The following ADAM12 variants were observed in gnomAD, a reference collection of about 807,000 sequenced individuals.
ADAM12 encodes disintegrin and metalloproteinase domain-containing protein 12.
ADAM12 carries 70 observed loss-of-function variants against 106.4 expected under a neutral mutation model. That is an observed-to-expected ratio of 0.66 (90% confidence interval 0.54 to 0.80). The LOEUF (loss-of-function observed/expected upper bound fraction) is 0.80, where lower values mean the gene tolerates loss of function less well. Among genes scored for constraint, ADAM12 ranks in the 30% least tolerant of loss-of-function variants. The pLI is 0.00. For missense variants in ADAM12, 1,010 were observed against 1,171.9 expected (o/e 0.86, Z 2.02); for synonymous variants, 420 against 433.5 (o/e 0.97, Z 0.39).
At chr10:126,386,054 A>G (rs1174667809) in intron 1 of ADAM12, among the ~76,000 whole-genome samples, 1 of 152,026 alleles carries the variant, frequency 6.6e-6, no homozygotes, top group African/African-American at 2.4e-5. Context: ...GGTAGGTGGG[A>G]ATATACTTAG....
At chr10:126,034,506 G>C (rs888566111) in intron 21 of ADAM12, among the ~76,000 whole-genome samples, 4 of 152,066 alleles carry the variant, frequency 2.6e-5, no homozygotes, top group Admixed American at 6.5e-5. Flanking sequence ...AAAGCACAAT[G>C]AAACAAAAAC....
chr10:126,080,287 G>A (rs895455730), intron 11 of ADAM12, among the ~76,000 whole-genome samples: 4 of 152,096 alleles, frequency 2.6e-5, no homozygotes, highest in African/African-American at 7.2e-5. Flanking sequence ...CCTCGTCTGT[G>A]GTTAAAAAGA....
intron 4 of ADAM12, among the ~76,000 whole-genome samples, chr10:126,143,230 CTG>C (rs1429965256): frequency 1.5e-5 from 2 of 132,014 alleles, no homozygotes; most frequent in East Asian, 4.7e-4. Context: ...ATGTGTGTGT[CTG>C]TGTGGATGTG....
intron 5 of ADAM12, 112 bp downstream of exon 5, chr10:126,135,472 A>C: frequency 9.9e-7 from 1 of 1,012,942 alleles, no homozygotes; most frequent in Non-Finnish European, 1.5e-6. Flanking sequence ...GGTGTAGCTG[A>C]GCTGGGAGCC....
intron 5 of ADAM12, among the ~76,000 whole-genome samples, chr10:126,131,798 C>G (rs1020875819): frequency 3.3e-5 from 5 of 152,178 alleles, no homozygotes; most frequent in Non-Finnish European, 7.3e-5. Flanking sequence ...TTTGCTATGG[C>G]AGCCCATGCT....
Position 126,039,439 on chromosome 10 carries a change from AAC to A in ADAM12, c.2105-12_2105-11del. 6.2e-7 allele frequency: 1 copy of A among 1,613,904 alleles called. No individual in the cohort carries two copies. The highest frequency in any genetic ancestry group is 8.5e-7 in the Non-Finnish European group (1 of 1,179,862). On this transcript the variant is annotated splice_polypyrimidine_tract_variant and intron_variant, in intron 18 of 22. Coordinates refer to ENST00000448723, the MANE Select transcript of ADAM12 (RefSeq NM_001288973.2). ...GTTAAACCTTGGTTATCTGAAACAA[AAC>A]ACATGGGGCTCACAGAAGGAGGCAG...
At chr10:126,063,116 G>A (rs1444802615) in intron 14 of ADAM12, among the ~76,000 whole-genome samples, 2 of 152,222 alleles carry the variant, frequency 1.3e-5, no homozygotes, top group Non-Finnish European at 2.9e-5. Context: ...CAGGACTGAG[G>A]GCTGCTCAGG....
Position 126,036,299 on chromosome 10 carries a change from A to T in ADAM12, c.2376T>A (p.Cys792Ter). 6.4e-7 allele frequency: 1 copy of T among 1,564,698 alleles called. No individual in the cohort carries two copies. The highest frequency in any genetic ancestry group is 8.6e-7 in the Non-Finnish European group (1 of 1,161,716). ...PKDNPRRLLQ[C>*]QNVDISRPLN... ...GGGGTCTGCTGATGTCAACATTCTGACACTGCAGCAATCTCCTGGGATTGT... is the reference window on the plus strand; with the variant it reads ...GGGGTCTGCTGATGTCAACATTCTGTCACTGCAGCAATCTCCTGGGATTGT... The change falls in exon 21 of 23, where the codon TGT becomes TGA. Residue 792 changes from cysteine to a stop codon, truncating the protein, a stop_gained. Coordinates refer to ENST00000448723, the MANE Select transcript of ADAM12 (RefSeq NM_001288973.2). LOFTEE classifies it high-confidence loss of function.
intron 3 of ADAM12, among the ~76,000 whole-genome samples, chr10:126,256,509 C>T (rs1019567608): frequency 1.3e-5 from 2 of 151,900 alleles, no homozygotes; most frequent in Non-Finnish European, 2.9e-5. Context: ...TACCTTGAGC[C>T]GTCGCTGTGT....
intron 1 of ADAM12, among the ~76,000 whole-genome samples, chr10:126,385,161 C>T (rs1216019004): frequency 6.6e-6 from 1 of 152,172 alleles, no homozygotes; most frequent in Non-Finnish European, 1.5e-5. Context: ...GAAAGGGATA[C>T]AGAGCTTCTG....
intron 1 of ADAM12, among the ~76,000 whole-genome samples, chr10:126,343,991 A>G (rs536729907): frequency 6.6e-5 from 10 of 152,180 alleles, no homozygotes; most frequent in South Asian, 2.1e-4. Flanking sequence ...CTCTGATGGT[A>G]GTTTCTTTTG....
chr10:126,273,776 CCA>C (rs574892984), intron 3 of ADAM12, among the ~76,000 whole-genome samples: 181 of 152,236 alleles, frequency 1.2e-3, no homozygotes, highest in Middle Eastern at 6.8e-3. Flanking sequence ...ATTGCTGGAT[CCA>C]CAGAGAAATG....
intron 2 of ADAM12, among the ~76,000 whole-genome samples, chr10:126,319,308 G>T (rs927445520): frequency 5.9e-5 from 9 of 152,128 alleles, no homozygotes; most frequent in African/African-American, 1.9e-4. Context: ...GGGGGAAAAA[G>T]GAGCTTTGTA....
rs73386749 is a variant in ADAM12, at chr10:126,322,267, C to G, written c.186+8145G>C. 7.6e-3 allele frequency among the ~76,000 whole-genome samples: 1,157 copies of G among 152,282 alleles called. 17 individuals are homozygous for G. The highest frequency in any genetic ancestry group is 0.026 in the African/African-American group (1,093 of 41,548). ...GCAGGTATCATTGTGACCTGTGCTG[C>G]TGAACATATTTACTGTTCAGCTCTT... On this transcript the variant is annotated intron_variant, in intron 2 of 22. Transcript: ENST00000448723.
Position 126,043,229 on chromosome 10 carries a change from T to C in ADAM12, c.1996-81A>G. The C allele has an allele frequency of 2.3e-6, 3 of 1,307,942 alleles. No homozygotes were observed. The highest frequency in any genetic ancestry group is 3.2e-6 in the Non-Finnish European group (3 of 931,242). The allele number at this position is 1,307,942 out of a possible 1,614,324, so 81.0% of individuals were successfully genotyped here. ...ACAGCAGAAGCAAGGGGGGCCATGG[T>C]CAGAGCCCCCCCCCAACACTGACAC... On this transcript the variant is annotated intron_variant, in intron 17 of 22. Transcript: ENST00000448723. This position sits in a 1 kb window ranked among gnomAD's most constrained non-coding sequence, Gnocchi z 4.1.
At chr10:126,150,330 G>A (rs1183544408) in intron 4 of ADAM12, among the ~76,000 whole-genome samples, 2 of 152,164 alleles carry the variant, frequency 1.3e-5, no homozygotes, top group Non-Finnish European at 2.9e-5. Context: ...TATTTATGAC[G>A]TTGATCCACA....
At chr10:126,125,352 C>T (rs928007099) in intron 5 of ADAM12, among the ~76,000 whole-genome samples, 2 of 147,932 alleles carry the variant, frequency 1.4e-5, no homozygotes, top group Non-Finnish European at 3.0e-5. Context: ...TCAAGGGATT[C>T]TCCTGCCTCA....
At chr10:126,154,511 G>C (rs116445034) in intron 4 of ADAM12, among the ~76,000 whole-genome samples, 23 of 152,284 alleles carry the variant, frequency 1.5e-4, no homozygotes, top group African/African-American at 5.5e-4. Flanking sequence ...AGTGATAAGG[G>C]AGAAGCATAA....
chr10:126,320,120 C>T (rs1854043984), intron 2 of ADAM12, among the ~76,000 whole-genome samples: 1 of 152,186 alleles, frequency 6.6e-6, no homozygotes, highest in Non-Finnish European at 1.5e-5. Flanking sequence ...AAATCTTATT[C>T]CTTAGTGTTC....
Sources: allele counts gnomAD v4.1 joint callset (sites outside exome capture counted in the v4.1 genomes callset), GRCh38; gene constraint gnomAD v4.1.1; non-coding constraint Gnocchi (gnomAD v3.1); transcripts MANE v1.5; gene names NCBI Gene and HGNC (gene_info 2026-07-23, HGNC 2026-07-21).